TIAM1: variants seen among roughly 807,000 people sequenced by gnomAD.
TIAM1 encodes the protein TIAM Rac1 associated GEF 1, also known as rho guanine nucleotide exchange factor TIAM1.
In TIAM1, 65 loss-of-function variants were observed where a neutral mutation model predicts 163.5. The ratio of observed to expected loss-of-function variants is 0.40; its 90% CI spans 0.33 to 0.49. The LOEUF is 0.49. Ranked by LOEUF, TIAM1 falls within the 20% of genes least tolerant of loss-of-function variation. TIAM1 has a pLI of 0.77. For synonymous variants in TIAM1, 833 were observed against 810.1 expected, an observed-to-expected ratio of 1.03 and a Z score of -0.48; for missense variants, 1,789 against 2,044.7, an observed-to-expected ratio of 0.87 and a Z score of 2.41.
chr21:31,285,538 T>C (rs1428300031), intron 2 of TIAM1, among the ~76,000 whole-genome samples: 2 of 152,240 alleles, frequency 1.3e-5, no homozygotes, highest in African/African-American at 4.8e-5. Flanking sequence ...GTTGACGGCA[T>C]GAAATTCTTT....
At chr21:31,357,247 C>T (rs1350193734) in intron 2 of TIAM1, among the ~76,000 whole-genome samples, 1 of 152,122 alleles carries the variant, frequency 6.6e-6, no homozygotes, top group East Asian at 1.9e-4. Context: ...GCAATCACAC[C>T]AAAATTCTCT....
chr21:31,377,516 C>T (rs955147934), intron 2 of TIAM1, among the ~76,000 whole-genome samples: 32 of 152,162 alleles, frequency 2.1e-4, no homozygotes, highest in African/African-American at 7.5e-4. Context: ...CTCCCCTTAG[C>T]CCAAGAGTGG....
chr21:31,266,408 T>C lies in TIAM1; in HGVS notation c.565A>G (p.Ser189Gly). The C allele has an allele frequency of 6.2e-7, 1 of 1,614,206 alleles. No homozygotes were observed. Among genetic ancestry groups the C allele is most frequent in the Non-Finnish European group, 8.5e-7 (1 of 1,180,044 alleles). Residue 189 changes from serine to glycine, a missense_variant, in exon 4 of 28, where the codon AGC (serine) becomes GGC (glycine). Transcript: ENST00000541036. Reference protein sequence around the residue: ...DSLEFSLSDLSQEHLTSNEEI... With the variant: ...DSLEFSLSDLGQEHLTSNEEI... ...TCGTTGCTTGTTAAATGTTCTTGGC[T>C]CAGATCAGAGAGTGAGAATTCCAGG...
intron 2 of TIAM1, among the ~76,000 whole-genome samples, chr21:31,445,814 G>A (rs1348874339): frequency 6.6e-6 from 1 of 152,152 alleles, no homozygotes; most frequent in East Asian, 1.9e-4. Context: ...GGGAGGAGGG[G>A]AGGAGAGACG....
At position 31,130,633 on chromosome 21, in the gene TIAM1, C is replaced by T. The variant is rs566388900; in HGVS notation, c.3942+257G>A. On this transcript the variant is annotated intron_variant, in intron 24 of 27. Coordinates refer to ENST00000541036, the MANE Select transcript of TIAM1 (RefSeq NM_001353694.2). ...AAGTAGCGTTAGGAAGGTTCTGGGC[C>T]ATGGCAGACCCAATCACCAATTGAG... Among the ~76,000 whole-genome samples the T allele has an allele frequency of 1.2e-4, 18 of 152,264 alleles. No homozygotes were observed. In the South Asian group the frequency reaches 3.1e-3, roughly 26 times the overall value.
intron 2 of TIAM1, among the ~76,000 whole-genome samples, chr21:31,311,821 A>G (rs537115936): frequency 7.9e-5 from 12 of 152,322 alleles, no homozygotes; most frequent in Non-Finnish European, 1.5e-4. Context: ...AAAGGAGATT[A>G]ACATTTGAGT....
At chr21:31,148,126 T>A (rs951276482) in intron 19 of TIAM1, among the ~76,000 whole-genome samples, 1 of 149,320 alleles carries the variant, frequency 6.7e-6, no homozygotes, top group South Asian at 2.2e-4. Context: ...CCTCCGCAAA[T>A]CTCCACCCTG....
At chr21:31,168,924 T>A (rs969395152) in intron 15 of TIAM1, among the ~76,000 whole-genome samples, 3 of 152,046 alleles carry the variant, frequency 2.0e-5, no homozygotes, top group African/African-American at 2.4e-5. Flanking sequence ...ACTGACAAAA[T>A]CAGGCCACCA....
rs532135163 is a variant in TIAM1 at position 31,214,167 on chromosome 21, A to C, written c.2143-695T>G. On this transcript the variant is annotated intron_variant, in intron 9 of 27. Coordinates refer to ENST00000541036, the MANE Select transcript of TIAM1 (RefSeq NM_001353694.2). ...GAGTGAGACCCTGTCTCTATAAAAAATTTGAAAATTAGCCATGCATAGTGG... is the reference window on the plus strand; with the variant it reads ...GAGTGAGACCCTGTCTCTATAAAAACTTTGAAAATTAGCCATGCATAGTGG... 9.2e-5 allele frequency among the ~76,000 whole-genome samples: 14 copies of C among 152,098 alleles called. No homozygotes were observed. In the South Asian group the frequency reaches 2.9e-3, roughly 32 times the overall value.
At chr21:31,430,276 A>G (rs1201157672) in intron 2 of TIAM1, among the ~76,000 whole-genome samples, 3 of 122,086 alleles carry the variant, frequency 2.5e-5, no homozygotes, top group Non-Finnish European at 5.0e-5. Flanking sequence ...ACACACACAT[A>G]TATATATATA....
chr21:31,251,453 G>T (rs920364612), intron 5 of TIAM1, among the ~76,000 whole-genome samples: 2 of 152,178 alleles, frequency 1.3e-5, no homozygotes, highest in African/African-American at 4.8e-5. Context: ...CTCCCAAAGT[G>T]CTGGGATTAC....
At chr21:31,420,647 G>C (rs978629102) in intron 2 of TIAM1, among the ~76,000 whole-genome samples, 1 of 152,186 alleles carries the variant, frequency 6.6e-6, no homozygotes, top group African/African-American at 2.4e-5. Context: ...AACCAAGTGT[G>C]TATTTTCCAA....
chr21:31,274,592 C>CT (rs2073206299), intron 3 of TIAM1, among the ~76,000 whole-genome samples: 1 of 152,162 alleles, frequency 6.6e-6, no homozygotes, highest in Non-Finnish European at 1.5e-5. Context: ...GCCTCACCCC[C>CT]TAGCTGAAGA....
intron 2 of TIAM1, among the ~76,000 whole-genome samples, chr21:31,332,965 G>A (rs1191833127): frequency 6.6e-6 from 1 of 151,986 alleles, no homozygotes; most frequent in Non-Finnish European, 1.5e-5. Flanking sequence ...CAGGCATGGT[G>A]ATGTATGACT....
chr21:31,422,603 C>G (rs2043617066), intron 2 of TIAM1, among the ~76,000 whole-genome samples: 1 of 152,144 alleles, frequency 6.6e-6, no homozygotes, highest in South Asian at 2.1e-4. Flanking sequence ...ATCAAACTCC[C>G]TATCCAGCAA....
intron 2 of TIAM1, among the ~76,000 whole-genome samples, chr21:31,442,995 C>G (rs778815538): frequency 6.6e-6 from 1 of 152,184 alleles, no homozygotes; most frequent in Non-Finnish European, 1.5e-5. Flanking sequence ...TAGCAAATTG[C>G]AATGCGGCTC....
intron 2 of TIAM1, among the ~76,000 whole-genome samples, chr21:31,396,410 T>C (rs954890634): frequency 3.3e-5 from 5 of 152,128 alleles, no homozygotes; most frequent in Admixed American, 2.0e-4. Flanking sequence ...TCACACCTCC[T>C]GGGAGAAGTA....
intron 23 of TIAM1, among the ~76,000 whole-genome samples, chr21:31,133,511 A>G (rs1007536323): frequency 1.3e-5 from 2 of 152,204 alleles, no homozygotes; most frequent in Non-Finnish European, 2.9e-5. Context: ...CAGGGAACAG[A>G]GTAATGTAGA....
At chr21:31,311,578 T>C (rs2074932052) in intron 2 of TIAM1, among the ~76,000 whole-genome samples, 1 of 152,130 alleles carries the variant, frequency 6.6e-6, no homozygotes, top group African/African-American at 2.4e-5. Flanking sequence ...AGTCCATGAA[T>C]TGAGGGGGAG....
Sources: allele counts gnomAD v4.1 joint callset (sites outside exome capture counted in the v4.1 genomes callset), GRCh38; gene constraint gnomAD v4.1.1; transcripts MANE v1.5; gene names NCBI Gene and HGNC (gene_info 2026-07-23, HGNC 2026-07-21).